Variants in POLN observed in about 807,000 individuals in gnomAD.
The protein encoded by POLN is DNA polymerase nu, also known as DNA polymerase N.
Under a neutral mutation model 113.5 loss-of-function variants are expected in POLN, and 108 were observed. The observed-to-expected ratio is 0.95, with a 90% CI of 0.81 to 1.12. The LOEUF (loss-of-function observed/expected upper bound fraction) is 1.12, where lower values mean the gene tolerates loss of function less well. Among genes scored for constraint, POLN ranks in the 50% most tolerant of loss-of-function variants. The pLI, the probability that POLN is intolerant of heterozygous loss-of-function variation, is 0.00. For synonymous variants in POLN, 386 were observed against 391.5 expected, an observed-to-expected ratio of 0.99 and a Z score of 0.17; for missense variants, 1,097 against 1,077.1, an observed-to-expected ratio of 1.02 and a Z score of -0.26.
chr4:2,146,281 G>A (rs550159298), intron 16 of POLN, among the ~76,000 whole-genome samples: 11 of 151,574 alleles, frequency 7.3e-5, no homozygotes, highest in South Asian at 4.2e-4. Context: ...CGAGGCAGGC[G>A]GATCACCTGA....
intron 20 of POLN, among the ~76,000 whole-genome samples, chr4:2,086,463 T>C (rs192253312): frequency 6.6e-6 from 1 of 152,140 alleles, no homozygotes; most frequent in East Asian, 1.9e-4. Context: ...CTGACCCACA[T>C]TAAAGCCCAT....
At chr4:2,182,554 C>T (rs2108752259) in intron 7 of POLN, among the ~76,000 whole-genome samples, 1 of 152,178 alleles carries the variant, frequency 6.6e-6, no homozygotes, top group African/African-American at 2.4e-5. Context: ...CTTCCAGCCC[C>T]CAGAACTGTA....
intron 7 of POLN, among the ~76,000 whole-genome samples, chr4:2,182,706 T>C (rs1418552553): frequency 6.6e-6 from 1 of 151,906 alleles, no homozygotes; most frequent in Non-Finnish European, 1.5e-5. Flanking sequence ...GAGAATATGA[T>C]TAAACTTGTA....
chr4:2,190,134 T>C (rs990820154), intron 7 of POLN, among the ~76,000 whole-genome samples: 1 of 150,966 alleles, frequency 6.6e-6, no homozygotes, highest in African/African-American at 2.4e-5. Context: ...GCTGGAGGAA[T>C]CACCCACACT....
At chr4:2,129,975 G>A (rs939319373) in intron 17 of POLN, among the ~76,000 whole-genome samples, 5 of 151,620 alleles carry the variant, frequency 3.3e-5, no homozygotes, top group Non-Finnish European at 5.9e-5. Context: ...TCATTGGGGC[G>A]GGGAGCACTG....
intron 20 of POLN, 30 bp downstream of exon 20, chr4:2,095,821 C>T (rs370012910): frequency 2.2e-5 from 35 of 1,607,004 alleles, no homozygotes; most frequent in Middle Eastern, 1.6e-4. Flanking sequence ...CAGGTAACCC[C>T]GAGACCCCAG....
At chr4:2,141,763 C>G (rs1732006853) in intron 16 of POLN, among the ~76,000 whole-genome samples, 1 of 152,174 alleles carries the variant, frequency 6.6e-6, no homozygotes. Context: ...CAGGGGAGTG[C>G]AGGACCCCAG....
chr4:2,173,813 G>A (rs1036436908), intron 11 of POLN, 142 bp downstream of exon 11: 2 of 793,828 alleles, frequency 2.5e-6, no homozygotes, highest in African/African-American at 1.7e-5. Context: ...TCCCCTGCAG[G>A]CGTCAGAAAG....
chr4:2,213,100 C>A lies in POLN; in HGVS notation c.160G>T (p.Val54Phe). Residue 54 changes from valine to phenylalanine, a missense_variant, in exon 4 of 26, where the codon GTT (valine) becomes TTT (phenylalanine). By Grantham distance (50) the Val-to-Phe change is conservative. Coordinates refer to ENST00000511885, the MANE Select transcript of POLN (RefSeq NM_181808.4). ...TCTTCAAGTTGTACTGAATACTTAA[C>A]ACTGGACTTGTTTATCACTTCCATA... ...ETMEVINKSS[V>F]KYSVQLEDRK... 6.2e-7 allele frequency: 1 copy of A among 1,608,264 alleles called. No individual in the cohort carries two copies. Among genetic ancestry groups the A allele is most frequent in the Non-Finnish European group, 8.5e-7 (1 of 1,177,980 alleles).
intron 19 of POLN, among the ~76,000 whole-genome samples, chr4:2,107,276 C>T (rs907465556): frequency 2.6e-5 from 4 of 152,170 alleles, no homozygotes; most frequent in Non-Finnish European, 4.4e-5. Flanking sequence ...ATCATACCAT[C>T]TTCACCAAAT....
chr4:2,220,919 T>C (rs539052691), intron 3 of POLN, among the ~76,000 whole-genome samples: 2 of 152,306 alleles, frequency 1.3e-5, no homozygotes, highest in African/African-American at 4.8e-5. Context: ...TACAAAAAGA[T>C]CTGGGGAATT....
At chr4:2,190,516 A>G (rs1472600938) in intron 7 of POLN, among the ~76,000 whole-genome samples, 1 of 152,140 alleles carries the variant, frequency 6.6e-6, no homozygotes, top group Non-Finnish European at 1.5e-5. Flanking sequence ...TATAGGCAAC[A>G]AAAGCAAAAA....
chr4:2,136,630 A>C (rs73197212), intron 16 of POLN, among the ~76,000 whole-genome samples: 5 of 152,248 alleles, frequency 3.3e-5, no homozygotes, highest in African/African-American at 4.8e-5. Context: ...TTAAAATCTC[A>C]GTAGCTGTTA....
At chr4:2,235,177 C>A (rs950585653) in intron 2 of POLN, among the ~76,000 whole-genome samples, 2 of 152,246 alleles carry the variant, frequency 1.3e-5, no homozygotes, top group Non-Finnish European at 2.9e-5. Context: ...AGCCACCGCA[C>A]CCAGCCTATG....
chr4:2,190,829 C>T (rs1733421122), intron 7 of POLN, among the ~76,000 whole-genome samples: 1 of 152,192 alleles, frequency 6.6e-6, no homozygotes, highest in East Asian at 1.9e-4. Context: ...GATATCATCT[C>T]ACCCCAATTT....
chr4:2,212,508 G>A (rs1214238624), intron 4 of POLN, among the ~76,000 whole-genome samples: 3 of 152,022 alleles, frequency 2.0e-5, no homozygotes, highest in African/African-American at 4.8e-5. Flanking sequence ...CTGAGTAGCT[G>A]GGACTACAGG....
chr4:2,204,305 A>T (rs1266755641), intron 5 of POLN, among the ~76,000 whole-genome samples: 1 of 152,116 alleles, frequency 6.6e-6, no homozygotes, highest in African/African-American at 2.4e-5. Flanking sequence ...CAAGGCTACT[A>T]TGAACAACTT....
Position 2,129,247 on chromosome 4 carries a change from T to G in POLN, c.1799A>C (p.Asp600Ala), listed in dbSNP as rs1287421843. 1 of 1,588,878 alleles carries G rather than the reference T, an allele frequency of 6.3e-7. No individual in the cohort carries two copies. Among genetic ancestry groups the G allele is most frequent in the Non-Finnish European group, 8.6e-7 (1 of 1,157,248 alleles). The change falls in exon 18 of 26, where the codon GAC (aspartate) becomes GCC (alanine). Residue 600 changes from aspartate (D) to alanine (A), a missense_variant. Physicochemically the swap from Asp to Ala is moderately radical, Grantham distance 126. Transcript: ENST00000511885. ...TTPKNFKGKE[D>A]KILTISPRAM... The stretch of plus-strand genomic sequence containing the variant: ...CCTCGGGGAGATCGTGAGAATCTTG[T>G]CTTCTTTACCTGAATTGTTATTTCA...
intron 16 of POLN, chr4:2,156,376 T>A (rs1362672501): frequency 1.1e-3 from 8 of 6,970 alleles, no homozygotes; most frequent in East Asian, 0.011. Context: ...AATTTAGAGC[T>A]TTTTTTTTTT....
Sources: gnomAD v4.1 joint callset for allele counts (sites outside exome capture counted in the v4.1 genomes callset) on GRCh38, gnomAD v4.1.1 for gene constraint, MANE v1.5 for transcripts, NCBI Gene and HGNC (gene_info 2026-07-23, HGNC 2026-07-21) for gene names.